The following RALA variants were observed in gnomAD, a reference collection of about 807,000 sequenced individuals.
RALA encodes RAS like proto-oncogene A.
In RALA, 5 loss-of-function variants were observed where a neutral mutation model predicts 24.0. The observed-to-expected ratio is 0.21, with a 90% CI of 0.11 to 0.44. The LOEUF (loss-of-function observed/expected upper bound fraction) is 0.44, where lower values mean the gene tolerates loss of function less well. RALA is among the 20% of genes least tolerant of loss of function. RALA has a pLI of 0.99. For synonymous variants in RALA, 77 were observed against 83.8 expected, an observed-to-expected ratio of 0.92 and a Z score of 0.44; for missense variants, 95 against 241.2, an observed-to-expected ratio of 0.39 and a Z score of 4.01.
chr7:39,651,479 G>A (rs146712737), intron 1 of RALA, among the ~76,000 whole-genome samples: 1 of 152,274 alleles, frequency 6.6e-6, no homozygotes, highest in African/African-American at 2.4e-5. Context: ...CGTGTCATGT[G>A]ACCAGTGTTT....
At chr7:39,680,869 A>G (rs969368458) in intron 1 of RALA, among the ~76,000 whole-genome samples, 27 of 152,188 alleles carry the variant, frequency 1.8e-4, no homozygotes, top group African/African-American at 5.8e-4. Flanking sequence ...TGATCTATCT[A>G]GACAGGCTTG....
intron 1 of RALA, among the ~76,000 whole-genome samples, chr7:39,626,231 G>A (rs906153725): frequency 6.6e-5 from 10 of 152,262 alleles, no homozygotes; most frequent in African/African-American, 1.4e-4. Context: ...ATTGCCTGCC[G>A]AGCACTGTGA....
At chr7:39,647,314 A>T (rs1166467596) in intron 1 of RALA, among the ~76,000 whole-genome samples, 1 of 152,176 alleles carries the variant, frequency 6.6e-6, no homozygotes, top group Non-Finnish European at 1.5e-5. Flanking sequence ...AAGTGCTAGG[A>T]TTACAGGCGT....
At chr7:39,688,044 C>T (rs1047904829) in intron 2 of RALA, among the ~76,000 whole-genome samples, 4 of 152,124 alleles carry the variant, frequency 2.6e-5, no homozygotes, top group Admixed American at 2.6e-4. Context: ...AGCCAGTGCA[C>T]CCAACCCCCC....
chr7:39,637,880 G>A (rs1328062178), intron 1 of RALA, among the ~76,000 whole-genome samples: 1 of 152,090 alleles, frequency 6.6e-6, no homozygotes, highest in African/African-American at 2.4e-5. Context: ...TGATTTTTGA[G>A]CTATTTGAAA....
At chr7:39,630,568 A>G (rs1791581209) in intron 1 of RALA, among the ~76,000 whole-genome samples, 1 of 152,202 alleles carries the variant, frequency 6.6e-6, no homozygotes, top group African/African-American at 2.4e-5. Flanking sequence ...CTGAAGTTTT[A>G]GTCATATTCA....
chr7:39,702,364 G>GTA (rs905509432), intron 4 of RALA, among the ~76,000 whole-genome samples: 3 of 151,986 alleles, frequency 2.0e-5, no homozygotes, highest in South Asian at 2.1e-4. Context: ...TAGGATTTGT[G>GTA]TATATATATA....
intron 1 of RALA, among the ~76,000 whole-genome samples, chr7:39,641,128 A>G (rs1453667941): frequency 1.3e-5 from 2 of 152,028 alleles, no homozygotes; most frequent in Admixed American, 6.6e-5. Context: ...GTGATGGGGT[A>G]AGGAGGGGAA....
intron 3 of RALA, among the ~76,000 whole-genome samples, chr7:39,693,891 C>T (rs951390145): frequency 6.6e-6 from 1 of 152,226 alleles, no homozygotes; most frequent in African/African-American, 2.4e-5. Context: ...GGCCCATAGT[C>T]TGTGCGGCCT....
At chr7:39,628,505 A>G (rs1791535517) in intron 1 of RALA, among the ~76,000 whole-genome samples, 1 of 151,820 alleles carries the variant, frequency 6.6e-6, no homozygotes, top group Non-Finnish European at 1.5e-5. Context: ...TATCGCAGTA[A>G]TTTTTTTCAC....
At position 39,654,870 on chromosome 7, in the gene RALA, C is replaced by T. The variant is rs546815378; in HGVS notation, c.-38+31045C>T. Among the ~76,000 whole-genome samples, 5 of 152,170 alleles carry T rather than the reference C, an allele frequency of 3.3e-5. No homozygotes were observed. The South Asian group carries it at 8.3e-4, about 25-fold the overall frequency. On this transcript the variant is annotated intron_variant, in intron 1 of 4. Transcript: ENST00000005257. ...GGCCCAAGCAGTTCTCCCACCTCAA[C>T]CTCCCAAGCAGCTGGGGCTATAGGC...
In RALA at chr7:39,627,061, A is replaced by ATC. The variant is rs200371195; in HGVS notation, c.-38+3252_-38+3253dup. Among the ~76,000 whole-genome samples the ATC allele has an allele frequency of 7.0e-3, 1,046 of 148,708 alleles. 7 individuals carry two copies. Among genetic ancestry groups the ATC allele is most frequent in the Non-Finnish European group, 0.012 (808 of 67,422 alleles). On this transcript the variant is annotated intron_variant, in intron 1 of 4. Transcript: ENST00000005257. ...TAGGCTTAATTTGAAGAATGTGTCC[A>ATC]TCTCTCTCTCTCTCTCTTTTTTTTT...
chr7:39,672,271 G>C (rs375651568), intron 1 of RALA, among the ~76,000 whole-genome samples: 17 of 152,246 alleles, frequency 1.1e-4, no homozygotes, highest in South Asian at 4.1e-4. Context: ...TTGAACACCA[G>C]AGTCATATGG....
chr7:39,633,033 A>G (rs1445033376), intron 1 of RALA, among the ~76,000 whole-genome samples: 1 of 152,188 alleles, frequency 6.6e-6, no homozygotes, highest in Admixed American at 6.5e-5. Flanking sequence ...CTAGTTATAG[A>G]TGCCACAGGG....
chr7:39,670,834 A>G (rs1050430373), intron 1 of RALA, among the ~76,000 whole-genome samples: 4 of 152,162 alleles, frequency 2.6e-5, no homozygotes, highest in Non-Finnish European at 4.4e-5. Flanking sequence ...CTTATTCTTA[A>G]GCTACTCTCA....
At chr7:39,631,638 A>G (rs982557013) in intron 1 of RALA, among the ~76,000 whole-genome samples, 4 of 152,240 alleles carry the variant, frequency 2.6e-5, no homozygotes, top group Admixed American at 6.5e-5. Flanking sequence ...TTTTCTTCAT[A>G]CAAGTTTTCA....
intron 1 of RALA, among the ~76,000 whole-genome samples, chr7:39,655,933 C>T (rs980199546): frequency 1.1e-4 from 16 of 152,094 alleles, no homozygotes; most frequent in African/African-American, 3.9e-4. Context: ...TAGATTTTCA[C>T]CTATGAGCAA....
At chr7:39,670,783 A>T (rs1792367453) in intron 1 of RALA, among the ~76,000 whole-genome samples, 1 of 152,188 alleles carries the variant, frequency 6.6e-6, no homozygotes, top group South Asian at 2.1e-4. Context: ...TTCAGGTCAT[A>T]GTCTAGTAGC....
chr7:39,636,251 A>C (rs987990018), intron 1 of RALA, among the ~76,000 whole-genome samples: 4 of 152,206 alleles, frequency 2.6e-5, no homozygotes, highest in African/African-American at 9.6e-5. Context: ...GGGTCGTATA[A>C]TAACTCCCAT....
Sources: allele counts gnomAD v4.1 joint callset (sites outside exome capture counted in the v4.1 genomes callset), GRCh38; gene constraint gnomAD v4.1.1; transcripts MANE v1.5; gene names NCBI Gene and HGNC (gene_info 2026-07-23, HGNC 2026-07-21).